The following PGS1 variants were observed in gnomAD, a reference collection of about 807,000 sequenced individuals.
PGS1 encodes phosphatidylglycerophosphate synthase 1, also known as CDP-diacylglycerol--glycerol-3-phosphate 3-phosphatidyltransferase, mitochondrial.
In PGS1, 44 loss-of-function variants were observed where a neutral mutation model predicts 58.3. That is an observed-to-expected ratio of 0.75 (90% CI 0.59 to 0.97). PGS1 has a LOEUF of 0.97. PGS1 is among the 50% of genes least tolerant of loss of function. The pLI is 0.00. For synonymous variants in PGS1, 330 were observed against 311.0 expected (o/e 1.06, Z -0.64); for missense variants, 684 against 731.1 (o/e 0.94, Z 0.74).
At chr17:78,382,649 T>G (rs1345896490) in intron 1 of PGS1, 4 of 142,896 alleles carry the variant, frequency 2.8e-5, no homozygotes, top group East Asian at 4.1e-4. Context: ...TTTTTTTTTT[T>G]TTTTTTTTTT....
In PGS1 at chr17:78,394,562, C is replaced by CT. The variant is rs557256277; in HGVS notation, c.334-1736dup. 1.7e-3 allele frequency among the ~76,000 whole-genome samples: 251 copies of CT among 148,844 alleles called. 1 individual carries two copies. The Middle Eastern group carries it at 0.017, about 10-fold the overall frequency. On this transcript the variant is annotated intron_variant, in intron 2 of 9. Coordinates refer to ENST00000262764, the MANE Select transcript of PGS1 (RefSeq NM_024419.5). Reference sequence around the variant, plus strand: ...ACAGGTTTTTCTTTTCTTTTCTTTTCTTTTTTTTTTAAGACGGAGTTTCGC... The same window carrying CT: ...ACAGGTTTTTCTTTTCTTTTCTTTTCTTTTTTTTTTTAAGACGGAGTTTCGC...
chr17:78,412,045 CCCAGTTGTCCTCA>C (rs763212932), intron 7 of PGS1, among the ~76,000 whole-genome samples: 1 of 150,664 alleles, frequency 6.6e-6, no homozygotes, highest in South Asian at 2.1e-4. Context: ...TTGGAAACTT[CCCAGTTGTCCTCA>C]GGGCACAGAC....
At position 78,424,382 on chromosome 17, in the gene PGS1, C is replaced by T. The variant is rs775903834; in HGVS notation, c.*332C>T. The T allele has an allele frequency of 2.0e-5, 10 of 498,698 alleles. No homozygotes were observed. Among genetic ancestry groups the T allele is most frequent in the South Asian group, 1.0e-4 (3 of 28,806 alleles). 30.9% of individuals were successfully genotyped at this position (498,698 alleles called of 1,614,324 possible). A position where few individuals can be genotyped will look rare whatever the true frequency, so the allele number is the denominator to read the frequency against. On this transcript the variant is annotated 3_prime_UTR_variant, in exon 10 of 10. Transcript: ENST00000262764. ...CAAGGAACAGCTCAGCTAAAGCCCT[C>T]GGGTTCCATCCGTTTAAATCTGTGG...
At chr17:78,389,699 C>T (rs1343562740) in intron 1 of PGS1, among the ~76,000 whole-genome samples, 4 of 152,078 alleles carry the variant, frequency 2.6e-5, no homozygotes, top group African/African-American at 4.8e-5. Flanking sequence ...CTGCAACCTC[C>T]GCCTCCTGGG....
chr17:78,391,219 A>T (rs1488539000), intron 1 of PGS1, among the ~76,000 whole-genome samples: 2 of 152,136 alleles, frequency 1.3e-5, no homozygotes, highest in African/African-American at 4.8e-5. Context: ...AAGTGGTGGG[A>T]TTACAGGCGT....
Position 78,394,159 on chromosome 17 carries a change from G to A in PGS1, c.333+1494G>A, listed in dbSNP as rs561913930. ...TGCACTCCAGCCTGGGCAACAGAGC[G>A]AGACTCTATCTCCCAAAAAAAAAAA... On this transcript the variant is annotated intron_variant, in intron 2 of 9. Coordinates refer to ENST00000262764, the MANE Select transcript of PGS1 (RefSeq NM_024419.5). 6.1e-5 allele frequency among the ~76,000 whole-genome samples: 7 copies of A among 115,106 alleles called. No homozygotes were observed. The South Asian group carries it at 1.0e-3, about 17-fold the overall frequency. 75.5% of individuals were successfully genotyped at this position (115,106 alleles called of 152,430 possible).
At chr17:78,384,137 G>C (rs112354354) in intron 1 of PGS1, among the ~76,000 whole-genome samples, 1 of 152,162 alleles carries the variant, frequency 6.6e-6, no homozygotes, top group Non-Finnish European at 1.5e-5. Flanking sequence ...CAATGTAATC[G>C]ACTTCCTTTT....
At chr17:78,416,185 G>A (rs936632499) in intron 8 of PGS1, among the ~76,000 whole-genome samples, 1 of 152,224 alleles carries the variant, frequency 6.6e-6, no homozygotes, top group African/African-American at 2.4e-5. Flanking sequence ...GGGTGGGCCA[G>A]TGGGGTAATG....
intron 1 of PGS1, chr17:78,380,741 A>T (rs938584298): frequency 6.6e-6 from 1 of 152,246 alleles, no homozygotes; most frequent in African/African-American, 2.4e-5. Context: ...ACACTTCATT[A>T]TAAATCATTG....
chr17:78,391,625 A>G (rs1469289928), intron 1 of PGS1, among the ~76,000 whole-genome samples: 1 of 152,038 alleles, frequency 6.6e-6, no homozygotes, highest in Non-Finnish European at 1.5e-5. Context: ...CTACAGTCAC[A>G]TACCACCACG....
At chr17:78,421,755 A>G (rs372195371) in intron 9 of PGS1, 1 of 147,008 alleles carries the variant, frequency 6.8e-6, no homozygotes, top group African/African-American at 2.7e-5. Context: ...TAAGCAATCT[A>G]TCTGCAGTGC....
rs1598329436 is a variant in PGS1 at position 78,403,789 on chromosome 17, G to A, written c.1102G>A (p.Val368Ile). The change falls in exon 7 of 10, where the codon GTC becomes ATC. Residue 368 changes from valine (V) to isoleucine (I), a missense_variant. Physicochemically the swap from Val to Ile is conservative, Grantham distance 29 (BLOSUM62 3). Transcript: ENST00000262764. ...CTTCGAGATTCAAATCGATGAGATTGTCACTGAGACCCTGTTGACTGAGGC... is the reference window on the plus strand; with the variant it reads ...CTTCGAGATTCAAATCGATGAGATTATCACTGAGACCCTGTTGACTGAGGC... ...KPFEIQIDEI[V>I]TETLLTEAER... 1 of 1,614,230 alleles carries A rather than the reference G, an allele frequency of 6.2e-7. No individual in the cohort carries two copies. The highest frequency in any genetic ancestry group is 1.3e-5 in the African/African-American group (1 of 75,056).
At chr17:78,419,741 G>A in intron 9 of PGS1, 66 bp downstream of exon 9, 5 of 1,597,822 alleles carry the variant, frequency 3.1e-6, no homozygotes, top group Non-Finnish European at 4.3e-6. Flanking sequence ...GCAGGTGGTT[G>A]TTCTGACTCA....
intron 9 of PGS1, 147 bp from the exon 10 acceptor site, chr17:78,423,914 G>T: frequency 1.2e-6 from 2 of 1,613,966 alleles, no homozygotes; most frequent in Non-Finnish European, 1.7e-6. Context: ...AGCTAAACCT[G>T]TAGGAGCAGC....
chr17:78,394,030 G>C (rs1017676482), intron 2 of PGS1, among the ~76,000 whole-genome samples: 1 of 151,746 alleles, frequency 6.6e-6, no homozygotes, highest in Non-Finnish European at 1.5e-5. Flanking sequence ...CCAAAAATAC[G>C]GAAGGGTGGC....
intron 3 of PGS1, 118 bp from the exon 4 acceptor site, chr17:78,398,134 C>G: frequency 1.2e-6 from 1 of 800,540 alleles, no homozygotes; most frequent in Non-Finnish European, 2.2e-6. Flanking sequence ...GTGCTGATGG[C>G]ACAAACCTAT....
Position 78,423,858 on chromosome 17 carries a change from G to T in PGS1, c.*11-203G>T, listed in dbSNP as rs367916838. ...GTCACAGGTGCACAGGTGAAGGGCT[G>T]AGTTGTGGTCCAGCCCCAGGGAGTG... On this transcript the variant is annotated intron_variant, in intron 9 of 9. Coordinates refer to ENST00000262764, the MANE Select transcript of PGS1 (RefSeq NM_024419.5). 100 of 1,605,688 alleles carry T rather than the reference G, an allele frequency of 6.2e-5. No individual in the cohort carries two copies. The African/African-American group carries it at 1.2e-3, about 19-fold the overall frequency.
intron 8 of PGS1, among the ~76,000 whole-genome samples, chr17:78,419,055 G>A (rs1313642668): frequency 6.6e-6 from 1 of 151,890 alleles, no homozygotes; most frequent in Non-Finnish European, 1.5e-5. Context: ...TGCCACCCAG[G>A]CTGGATTGCA....
chr17:78,420,346 C>T (rs984815568), intron 9 of PGS1: 2 of 505,480 alleles, frequency 4.0e-6, no homozygotes, highest in African/African-American at 4.2e-5. Context: ...TGTCTTGACG[C>T]CTAGAGGTCC....
Sources: allele counts gnomAD v4.1 joint callset (sites outside exome capture counted in the v4.1 genomes callset), GRCh38; gene constraint gnomAD v4.1.1; transcripts MANE v1.5; gene names NCBI Gene and HGNC (gene_info 2026-07-23, HGNC 2026-07-21).